The following IMMP2L variants were observed in gnomAD, a reference collection of about 807,000 sequenced individuals.
IMMP2L encodes the protein inner mitochondrial membrane peptidase subunit 2.
In IMMP2L, 18 loss-of-function variants were observed where a neutral mutation model predicts 19.3. The ratio of observed to expected loss-of-function variants is 0.93; its 90% confidence interval spans 0.64 to 1.38. The LOEUF is 1.38. Ranked by LOEUF, IMMP2L falls within the 40% of genes most tolerant of loss-of-function variation. The pLI is 0.00. For synonymous variants in IMMP2L, 76 were observed against 73.0 expected, an observed-to-expected ratio of 1.04 and a Z score of -0.21; for missense variants, 233 against 218.2, an observed-to-expected ratio of 1.07 and a Z score of -0.43.
intron 5 of IMMP2L, among the ~76,000 whole-genome samples, chr7:110,680,896 C>T: frequency 6.6e-6 from 1 of 152,196 alleles, no homozygotes; most frequent in East Asian, 1.9e-4. Flanking sequence ...TCCAGAAACA[C>T]CAATCGCCAT....
intron 5 of IMMP2L, among the ~76,000 whole-genome samples, chr7:110,843,222 T>C (rs1291910791): frequency 3.9e-5 from 6 of 152,186 alleles, no homozygotes; most frequent in African/African-American, 1.4e-4. Context: ...AACTGCCCAC[T>C]GCCAATTATC....
At chr7:111,172,787 G>A (rs1806595439) in intron 3 of IMMP2L, among the ~76,000 whole-genome samples, 2 of 151,482 alleles carry the variant, frequency 1.3e-5, no homozygotes, top group South Asian at 4.1e-4. Flanking sequence ...AACCTAATGT[G>A]TTGCAAGCTC....
chr7:111,347,599 A>G (rs1489640511), intron 3 of IMMP2L, among the ~76,000 whole-genome samples: 1 of 152,078 alleles, frequency 6.6e-6, no homozygotes, highest in Non-Finnish European at 1.5e-5. Flanking sequence ...ACAGTAGGAA[A>G]GAGGGAAGGA....
chr7:110,946,718 CTTTTT>C (rs754971058), intron 4 of IMMP2L, among the ~76,000 whole-genome samples: 1 of 114,178 alleles, frequency 8.8e-6, no homozygotes, highest in Non-Finnish European at 1.7e-5. Context: ...CATTTAATAC[CTTTTT>C]TTTTTTTTTT....
chr7:110,689,687 T>G lies in IMMP2L; in HGVS notation c.409-25966A>C, dbSNP rs56976460. On this transcript the variant is annotated intron_variant, in intron 5 of 5. Transcript: ENST00000405709. Reference sequence around the variant, plus strand: ...CAAGTTTTCTGTATCCTAATTGTTATGCTTGTCTTATCTGCTGCCCCTGTT... The same window carrying G: ...CAAGTTTTCTGTATCCTAATTGTTAGGCTTGTCTTATCTGCTGCCCCTGTT... Among the ~76,000 whole-genome samples the G allele has an allele frequency of 9.2e-3, 1,394 of 152,294 alleles. 24 individuals carry two copies. Among genetic ancestry groups the G allele is most frequent in the African/African-American group, 0.031 (1,297 of 41,572 alleles).
chr7:111,177,028 T>C (rs1807143528), intron 3 of IMMP2L, among the ~76,000 whole-genome samples: 1 of 152,036 alleles, frequency 6.6e-6, no homozygotes. Flanking sequence ...CCAGTAAATG[T>C]TGATGAAAAA....
rs191905479 is a variant in IMMP2L at position 110,752,148 on chromosome 7, T to C, written c.409-88427A>G. Among the ~76,000 whole-genome samples the C allele has an allele frequency of 2.3e-3, 348 of 152,134 alleles. 3 individuals are homozygous for C. Among genetic ancestry groups the C allele is most frequent in the Non-Finnish European group, 3.4e-3 (229 of 67,964 alleles). ...CTTTTAGAAATAGGCATGAAGAAAATAGCTCCTGGGATGGATTTTGAGGTT... is the reference window on the plus strand; with the variant it reads ...CTTTTAGAAATAGGCATGAAGAAAACAGCTCCTGGGATGGATTTTGAGGTT... On this transcript the variant is annotated intron_variant, in intron 5 of 5. Coordinates refer to ENST00000405709, the MANE Select transcript of IMMP2L (RefSeq NM_032549.4).
intron 5 of IMMP2L, among the ~76,000 whole-genome samples, chr7:110,726,518 C>G (rs901855035): frequency 1.3e-5 from 2 of 152,142 alleles, no homozygotes; most frequent in Admixed American, 6.5e-5. Flanking sequence ...TTCTGAGAAA[C>G]CAGTTACACA....
chr7:111,493,590 A>C (rs1843302579), intron 2 of IMMP2L, among the ~76,000 whole-genome samples: 1 of 152,018 alleles, frequency 6.6e-6, no homozygotes, highest in African/African-American at 2.4e-5. Flanking sequence ...CTGTAGTCCC[A>C]GCTACTCGGG....
At chr7:111,274,541 A>G (rs946881932) in intron 3 of IMMP2L, among the ~76,000 whole-genome samples, 7 of 152,170 alleles carry the variant, frequency 4.6e-5, no homozygotes, top group African/African-American at 1.7e-4. Flanking sequence ...AATAATTACC[A>G]GCTCCCTAAG....
intron 3 of IMMP2L, among the ~76,000 whole-genome samples, chr7:111,253,107 G>T (rs1816327330): frequency 6.6e-6 from 1 of 152,102 alleles, no homozygotes; most frequent in Non-Finnish European, 1.5e-5. Context: ...AAGACTTATT[G>T]TAAGCCAATA....
rs971714690 is a variant in IMMP2L at position 111,315,240 on chromosome 7, A to T, written c.239+171998T>A. On this transcript the variant is annotated intron_variant, in intron 3 of 5. Transcript: ENST00000405709. Reference sequence around the variant, plus strand: ...TAAGCTTCTTTTATTGATATGAAAAATTTGGGCAGTCCTGCAGAGAGAAGT... The same window carrying T: ...TAAGCTTCTTTTATTGATATGAAAATTTTGGGCAGTCCTGCAGAGAGAAGT... 1.3e-4 allele frequency among the ~76,000 whole-genome samples: 20 copies of T among 152,150 alleles called. No homozygotes were observed. The East Asian group carries it at 3.7e-3, about 28-fold the overall frequency.
At chr7:111,318,533 C>G (rs1351428262) in intron 3 of IMMP2L, among the ~76,000 whole-genome samples, 1 of 152,100 alleles carries the variant, frequency 6.6e-6, no homozygotes, top group Non-Finnish European at 1.5e-5. Context: ...TATAGCAGAT[C>G]TGAACATGAC....
At chr7:110,687,121 G>A (rs1793171173) in intron 5 of IMMP2L, among the ~76,000 whole-genome samples, 1 of 152,040 alleles carries the variant, frequency 6.6e-6, no homozygotes, top group African/African-American at 2.4e-5. Flanking sequence ...AAACTGAAAT[G>A]GTCACAGTGT....
intron 3 of IMMP2L, among the ~76,000 whole-genome samples, chr7:111,179,079 A>T (rs549529115): frequency 6.6e-6 from 1 of 152,174 alleles, no homozygotes; most frequent in South Asian, 2.1e-4. Flanking sequence ...TTCCTCTTTG[A>T]TTCATGGTCT....
chr7:110,970,725 T>C (rs571380895), intron 3 of IMMP2L, among the ~76,000 whole-genome samples: 1 of 152,238 alleles, frequency 6.6e-6, no homozygotes, highest in East Asian at 1.9e-4. Flanking sequence ...TCGGAAGCAT[T>C]CTTTCCCCTT....
intron 3 of IMMP2L, among the ~76,000 whole-genome samples, chr7:110,965,092 G>A (rs1467386894): frequency 6.6e-6 from 1 of 151,996 alleles, no homozygotes; most frequent in African/African-American, 2.4e-5. Context: ...GGGGTAATTT[G>A]TCATGTAGCA....
chr7:110,805,410 T>C (rs1039108096), intron 5 of IMMP2L, among the ~76,000 whole-genome samples: 1 of 152,082 alleles, frequency 6.6e-6, no homozygotes, highest in Non-Finnish European at 1.5e-5. Context: ...AGCTGTAGAA[T>C]GAACGAATAA....
Position 111,266,648 on chromosome 7 carries a change from T to A in IMMP2L, c.239+220590A>T, listed in dbSNP as rs1170797647. On this transcript the variant is annotated intron_variant, in intron 3 of 5. Coordinates refer to ENST00000405709, the MANE Select transcript of IMMP2L (RefSeq NM_032549.4). ...TCTTCCATAAAGTGCATTTCCCTCA[T>A]CTATAAAATTGAGGCCTAACTGAAC... Among the ~76,000 whole-genome samples, 7 of 151,838 alleles carry A rather than the reference T, an allele frequency of 4.6e-5. No individual in the cohort carries two copies. The East Asian group carries it at 1.4e-3, about 29-fold the overall frequency.
Sources: gnomAD v4.1 joint callset for allele counts (sites outside exome capture counted in the v4.1 genomes callset) on GRCh38, gnomAD v4.1.1 for gene constraint, MANE v1.5 for transcripts, NCBI Gene and HGNC (gene_info 2026-07-23, HGNC 2026-07-21) for gene names.